EXOSC7: variants seen among roughly 807,000 people sequenced by gnomAD.
EXOSC7 encodes the protein exosome complex component RRP42.
Under a neutral mutation model 34.3 loss-of-function variants are expected in EXOSC7, and 25 were observed. The observed-to-expected ratio is 0.73, with a 90% CI of 0.53 to 1.02. The LOEUF is 1.02. Ranked by LOEUF, EXOSC7 falls within the 50% of genes least tolerant of loss-of-function variation. The pLI is 0.00. For missense variants in EXOSC7, 370 were observed against 368.5 expected (o/e 1.00, Z -0.03); for synonymous variants, 130 against 143.0 (o/e 0.91, Z 0.65).
At chr3:45,003,041 G>A (rs1280114487) in intron 5 of EXOSC7, among the ~76,000 whole-genome samples, 3 of 152,218 alleles carry the variant, frequency 2.0e-5, no homozygotes, top group South Asian at 4.1e-4. Flanking sequence ...AGGCTGTTTA[G>A]CTGTGGGGGA....
intron 5 of EXOSC7, chr3:45,001,995 T>A (rs1409350423): frequency 5.1e-6 from 1 of 195,728 alleles, no homozygotes. Flanking sequence ...CCTAGCACCA[T>A]GAACAGTACC....
rs1489697550 is a variant in EXOSC7, at chr3:44,989,619, G to A, written c.229G>A (p.Gly77Ser). The stretch of plus-strand genomic sequence containing the variant: ...GCCGAAGCTGGAGAAACCAAATGAA[G>A]GCTACTTGGAGTTCTTTGTTGACTG... ...GTPKLEKPNEGYLEFFVDCSA... is the reference protein window; with the variant it reads ...GTPKLEKPNESYLEFFVDCSA... Residue 77 changes from glycine to serine, a missense_variant, in exon 3 of 8, where the codon GGC becomes AGC. Physicochemically the swap from Gly to Ser is moderately conservative, Grantham distance 56. Transcript: ENST00000265564. The A allele has an allele frequency of 2.5e-6, 4 of 1,613,736 alleles. No homozygotes were observed. The highest frequency in any genetic ancestry group is 1.6e-4 in the Middle Eastern group (1 of 6,084).
At chr3:44,982,784 C>T (rs1706305801) in intron 1 of EXOSC7, among the ~76,000 whole-genome samples, 1 of 152,196 alleles carries the variant, frequency 6.6e-6, no homozygotes. Context: ...GCACAGAAAG[C>T]CTTATGCCCA....
intron 1 of EXOSC7, among the ~76,000 whole-genome samples, chr3:44,980,164 G>T (rs1336116496): frequency 6.6e-6 from 1 of 152,056 alleles, no homozygotes; most frequent in Non-Finnish European, 1.5e-5. Context: ...GGGGTGAGGG[G>T]CACCCTCTGA....
intron 1 of EXOSC7, among the ~76,000 whole-genome samples, chr3:44,982,726 A>G (rs1370502215): frequency 6.6e-6 from 1 of 152,224 alleles, no homozygotes; most frequent in Non-Finnish European, 1.5e-5. Context: ...GCCAGCCCTC[A>G]GGACTCTTGA....
At chr3:44,980,230 G>A (rs1364882167) in intron 1 of EXOSC7, among the ~76,000 whole-genome samples, 1 of 152,114 alleles carries the variant, frequency 6.6e-6, no homozygotes, top group Non-Finnish European at 1.5e-5. Flanking sequence ...GAGTCTAGGT[G>A]ATACAATTTG....
At chr3:44,987,471 C>G (rs1706452764) in intron 1 of EXOSC7, among the ~76,000 whole-genome samples, 1 of 152,220 alleles carries the variant, frequency 6.6e-6, no homozygotes, top group South Asian at 2.1e-4. Context: ...ACTTCAGAGG[C>G]TGAGGCGGGA....
intron 1 of EXOSC7, among the ~76,000 whole-genome samples, chr3:44,985,409 C>T (rs939137221): frequency 2.0e-5 from 3 of 152,114 alleles, no homozygotes; most frequent in Non-Finnish European, 1.5e-5. Flanking sequence ...TTCTTAAAGG[C>T]GGCGTGTCCG....
At chr3:45,008,131 C>T (rs1707106365) in intron 7 of EXOSC7, among the ~76,000 whole-genome samples, 1 of 152,230 alleles carries the variant, frequency 6.6e-6, no homozygotes, top group South Asian at 2.1e-4. Context: ...CTACAGTTCT[C>T]TGTACTGTTT....
At chr3:45,005,701 C>G (rs1707017192) in intron 6 of EXOSC7, among the ~76,000 whole-genome samples, 1 of 152,194 alleles carries the variant, frequency 6.6e-6, no homozygotes, top group African/African-American at 2.4e-5. Flanking sequence ...ATGTGCTTCA[C>G]TAAAGCACCA....
chr3:44,981,947 C>T (rs1425734557), intron 1 of EXOSC7, among the ~76,000 whole-genome samples: 1 of 152,202 alleles, frequency 6.6e-6, no homozygotes, highest in South Asian at 2.1e-4. Flanking sequence ...AGTCCCCAGA[C>T]AGCTCTGAGG....
chr3:44,984,780 C>T (rs1706363474), intron 1 of EXOSC7, among the ~76,000 whole-genome samples: 1 of 152,230 alleles, frequency 6.6e-6, no homozygotes, highest in Admixed American at 6.5e-5. Context: ...ATTCCTTGCA[C>T]ATTATCTGGT....
At chr3:45,012,503 G>T (rs1439987270), downstream of EXOSC7, 1 of 152,204 alleles carries the variant, frequency 6.6e-6, no homozygotes, top group Non-Finnish European at 1.5e-5. Context: ...TGTTTCTTCA[G>T]TGACTATCTA....
chr3:44,989,679 A>C (rs763306969), intron 3 of EXOSC7, 35 bp downstream of exon 3: 4 of 1,484,586 alleles, frequency 2.7e-6, no homozygotes, highest in Middle Eastern at 1.7e-4. Context: ...TCTAAAGATA[A>C]ATGATTTTAA....
chr3:45,008,147 A>G (rs1307606485), intron 7 of EXOSC7, among the ~76,000 whole-genome samples: 1 of 152,208 alleles, frequency 6.6e-6, no homozygotes, highest in East Asian at 1.9e-4. Flanking sequence ...TGTTTGCCCC[A>G]CATGTCTGTC....
intron 1 of EXOSC7, among the ~76,000 whole-genome samples, chr3:44,984,870 G>C (rs1299140138): frequency 2.0e-5 from 3 of 152,204 alleles, no homozygotes; most frequent in Non-Finnish European, 2.9e-5. Context: ...TAGATCTGTA[G>C]AATTAGAGAA....
chr3:45,011,245 G>T lies in EXOSC7; in HGVS notation c.782G>T (p.Arg261Leu), dbSNP rs557231387. Residue 261 changes from arginine (R) to leucine (L), a missense_variant, in exon 8 of 8, where the codon CGT (arginine) becomes CTT (leucine). By Grantham distance (102) the Arg-to-Leu change is moderately radical. Coordinates refer to ENST00000265564, the MANE Select transcript of EXOSC7 (RefSeq NM_015004.4). ...SIFEMMETGKRVGKVLHASLQ... is the reference protein window; with the variant it reads ...SIFEMMETGKLVGKVLHASLQ... ...GTCCCTTCTCCACAGACTGGCAAGC[G>T]TGTGGGCAAGGTACTGCATGCCTCC... is the stretch of plus-strand genomic sequence containing the variant. The T allele has an allele frequency of 2.9e-5, 46 of 1,609,670 alleles. No homozygotes were observed. The highest frequency in any genetic ancestry group is 3.7e-5 in the Non-Finnish European group (44 of 1,177,414).
intron 3 of EXOSC7, among the ~76,000 whole-genome samples, chr3:44,991,014 C>T (rs1026171274): frequency 6.7e-6 from 1 of 149,946 alleles, no homozygotes; most frequent in Non-Finnish European, 1.5e-5. Context: ...TCTCATAGTA[C>T]TCGTATAAGA....
intron 4 of EXOSC7, 90 bp downstream of exon 4, chr3:44,997,342 A>G (rs1387642191): frequency 1.6e-5 from 20 of 1,232,240 alleles, no homozygotes; most frequent in Non-Finnish European, 1.9e-5. Context: ...TTTCCTCTTC[A>G]GGTGGATGCT....
Sources: gnomAD v4.1 joint callset for allele counts (sites outside exome capture counted in the v4.1 genomes callset) on GRCh38, gnomAD v4.1.1 for gene constraint, MANE v1.5 for transcripts, NCBI Gene and HGNC (gene_info 2026-07-23, HGNC 2026-07-21) for gene names.